Variants in KCNA6 observed in about 807,000 individuals in gnomAD.
The protein encoded by KCNA6 is human brain potassium channel-2.
A neutral mutation model predicts 29.5 loss-of-function variants in KCNA6; 17 were observed. The ratio of observed to expected loss-of-function variants is 0.58; its 90% CI spans 0.39 to 0.86. The LOEUF is 0.86. Among genes scored for constraint, KCNA6 ranks in the 40% least tolerant of loss-of-function variants. KCNA6 has a pLI of 0.00. For missense variants in KCNA6, 450 were observed against 703.4 expected (o/e 0.64, Z 4.07); for synonymous variants, 296 against 304.7 (o/e 0.97, Z 0.30).
chr12:4,843,727 G>A, the KCNA6 span, among the ~76,000 whole-genome samples: 1 of 152,124 alleles, frequency 6.6e-6, no homozygotes, highest in Admixed American at 6.5e-5. Context: ...CAGTTCACGT[G>A]GCGAAACCAG....
At chr12:4,822,479 C>A in the KCNA6 span, among the ~76,000 whole-genome samples, 1 of 152,088 alleles carries the variant, frequency 6.6e-6, no homozygotes, top group African/African-American at 2.4e-5. Context: ...TTCCAGCTAC[C>A]CATGAGAGAC....
chr12:4,827,186 CTCCT>C, the KCNA6 span, among the ~76,000 whole-genome samples: 26 of 60,972 alleles, frequency 4.3e-4, no homozygotes, highest in South Asian at 4.7e-3. Context: ...CCTTCCTTCC[CTCCT>C]TCCTTCCTTC....
At chr12:4,835,953 T>G in the KCNA6 span, among the ~76,000 whole-genome samples, 3 of 150,848 alleles carry the variant, frequency 2.0e-5, no homozygotes, top group Non-Finnish European at 1.5e-5. Flanking sequence ...TTTTTTTTTT[T>G]TTTTTGACGG....
chr12:4,835,295 T>C, the KCNA6 span, among the ~76,000 whole-genome samples: 1,249 of 151,884 alleles, frequency 8.2e-3, 21 homozygotes, highest in African/African-American at 0.028. Flanking sequence ...CCACTGCGCC[T>C]GGCTAATTTT....
chr12:4,825,201 C>G, the KCNA6 span, among the ~76,000 whole-genome samples: 1 of 151,550 alleles, frequency 6.6e-6, no homozygotes, highest in East Asian at 2.0e-4. Flanking sequence ...ACCATGTTAC[C>G]TAGAATAACT....
the KCNA6 span, among the ~76,000 whole-genome samples, chr12:4,827,227 T>TCCTTCCTTCCTTCCTA: frequency 8.1e-6 from 1 of 123,578 alleles, no homozygotes; most frequent in Non-Finnish European, 1.7e-5. Flanking sequence ...CTTCCTTCCT[T>TCCTTCCTTCCTTCCTA]CCTCCTTCCT....
At chr12:4,847,339 C>T in the KCNA6 span, among the ~76,000 whole-genome samples, 9 of 152,078 alleles carry the variant, frequency 5.9e-5, no homozygotes, top group African/African-American at 1.7e-4. Flanking sequence ...AATTCTTGAA[C>T]GTTTAAAAAA....
At chr12:4,833,432 C>G in the KCNA6 span, among the ~76,000 whole-genome samples, 1 of 152,158 alleles carries the variant, frequency 6.6e-6, no homozygotes, top group South Asian at 2.1e-4. Flanking sequence ...TGGAGTATCC[C>G]TCTTGAGACG....
chr12:4,826,683 TG>T, the KCNA6 span, among the ~76,000 whole-genome samples: 1 of 152,234 alleles, frequency 6.6e-6, no homozygotes, highest in Non-Finnish European at 1.5e-5. Flanking sequence ...GGTTTCTGCT[TG>T]AAAATTCTGC....
chr12:4,843,401 C>T, the KCNA6 span, among the ~76,000 whole-genome samples: 6 of 152,146 alleles, frequency 3.9e-5, no homozygotes, highest in African/African-American at 9.6e-5. Context: ...AGGATGGTCT[C>T]AATCTCCTGA....
chr12:4,832,280 T>A, the KCNA6 span, among the ~76,000 whole-genome samples: 1 of 152,134 alleles, frequency 6.6e-6, no homozygotes. Context: ...CTCTATTACT[T>A]ATTTTCTAGT....
At chr12:4,849,697 C>A in the KCNA6 span, among the ~76,000 whole-genome samples, 2 of 152,200 alleles carry the variant, frequency 1.3e-5, no homozygotes, top group Non-Finnish European at 2.9e-5. Flanking sequence ...TGTTATGGAC[C>A]TTTGGGCTTG....
chr12:4,812,690 G>A (rs538072717), exon 1 of KCNA6: 13 of 167,188 alleles, frequency 7.8e-5, no homozygotes, highest in Middle Eastern at 3.4e-3. Context: ...CCAGCTTAAA[G>A]CCCTAGACAG....
the KCNA6 span, among the ~76,000 whole-genome samples, chr12:4,824,273 C>T: frequency 1.3e-5 from 2 of 152,162 alleles, no homozygotes; most frequent in African/African-American, 2.4e-5. Flanking sequence ...GTCTCTTGTC[C>T]AAACGTTAGA....
At chr12:4,847,631 T>G in the KCNA6 span, among the ~76,000 whole-genome samples, 1 of 152,176 alleles carries the variant, frequency 6.6e-6, no homozygotes, top group East Asian at 1.9e-4. Flanking sequence ...CCATCTTATT[T>G]ATCTGAGGCT....
chr12:4,832,147 T>A, the KCNA6 span, among the ~76,000 whole-genome samples: 1 of 152,120 alleles, frequency 6.6e-6, no homozygotes, highest in Non-Finnish European at 1.5e-5. Flanking sequence ...TTCTTTTGCT[T>A]TTCTTCAGAC....
At chr12:4,844,001 T>A in the KCNA6 span, among the ~76,000 whole-genome samples, 2 of 152,234 alleles carry the variant, frequency 1.3e-5, no homozygotes, top group Admixed American at 1.3e-4. The surrounding 1 kb of genome is among the most constrained non-coding windows in gnomAD (Gnocchi z 4.0). Context: ...CATGTCTCTC[T>A]CTTCCTTACC....
exon 1 of KCNA6, chr12:4,809,899 C>A (rs1009078024): frequency 8.3e-5 from 79 of 953,522 alleles, no homozygotes; most frequent in Non-Finnish European, 1.1e-4. Context: ...ACGGACCCAA[C>A]GGCCAGGTCA....
downstream of KCNA6, among the ~76,000 whole-genome samples, chr12:4,817,381 G>A (rs1946692556): frequency 6.6e-6 from 1 of 152,148 alleles, no homozygotes; most frequent in African/African-American, 2.4e-5. Context: ...CAGGTCTCCT[G>A]ATGAACCACT....
Sources: allele counts gnomAD v4.1 joint callset (sites outside exome capture counted in the v4.1 genomes callset), GRCh38; gene constraint gnomAD v4.1.1; non-coding constraint Gnocchi (gnomAD v3.1); transcripts MANE v1.5; gene names NCBI Gene and HGNC (gene_info 2026-07-23, HGNC 2026-07-21).